Variants in KHDRBS3 observed in about 807,000 individuals in gnomAD.
KHDRBS3 encodes KH RNA binding domain containing, signal transduction associated 3.
In KHDRBS3, 23 loss-of-function variants were observed where a neutral mutation model predicts 45.6. The observed-to-expected ratio is 0.50, with a 90% confidence interval of 0.36 to 0.72. The LOEUF is 0.72. KHDRBS3 is among the 30% of genes least tolerant of loss of function. The pLI, the probability that KHDRBS3 is intolerant of heterozygous loss-of-function variation, is 0.00. For missense variants in KHDRBS3, 352 were observed against 424.8 expected, an observed-to-expected ratio of 0.83 and a Z score of 1.51; for synonymous variants, 162 against 156.5, an observed-to-expected ratio of 1.04 and a Z score of -0.26.
intron 1 of KHDRBS3, among the ~76,000 whole-genome samples, chr8:135,463,436 A>G (rs1408465630): frequency 6.6e-6 from 1 of 152,174 alleles, no homozygotes; most frequent in Non-Finnish European, 1.5e-5. Context: ...GAACAAGCAG[A>G]AAAGCATCCC....
chr8:135,521,734 C>T (rs529744598), intron 2 of KHDRBS3, among the ~76,000 whole-genome samples: 9 of 152,228 alleles, frequency 5.9e-5, no homozygotes, highest in African/African-American at 1.9e-4. Context: ...TATTTAAATG[C>T]TATTTTTCTT....
chr8:135,493,466 T>G (rs1418767702), intron 1 of KHDRBS3, among the ~76,000 whole-genome samples: 1 of 152,164 alleles, frequency 6.6e-6, no homozygotes, highest in Non-Finnish European at 1.5e-5. Flanking sequence ...TGAAGAAGTT[T>G]CTTTTTATTC....
intron 2 of KHDRBS3, among the ~76,000 whole-genome samples, chr8:135,534,576 G>T (rs1586676820): frequency 6.6e-6 from 1 of 152,120 alleles, no homozygotes; most frequent in East Asian, 1.9e-4. Context: ...CAGGTAGCTA[G>T]CCAGGCCTTA....
At chr8:135,515,599 A>G (rs983133190) in intron 1 of KHDRBS3, among the ~76,000 whole-genome samples, 1 of 152,022 alleles carries the variant, frequency 6.6e-6, no homozygotes, top group Non-Finnish European at 1.5e-5. Flanking sequence ...AGAGCTATCC[A>G]CTAGTGGTCA....
chr8:135,618,725 AT>A (rs1223348360), intron 7 of KHDRBS3, among the ~76,000 whole-genome samples: 2 of 152,230 alleles, frequency 1.3e-5, no homozygotes, highest in Non-Finnish European at 1.5e-5. Context: ...TGAAAATATT[AT>A]ATGATTAGGA....
downstream of KHDRBS3, among the ~76,000 whole-genome samples, chr8:135,651,834 G>T (rs889300123): frequency 1.3e-5 from 2 of 152,098 alleles, no homozygotes; most frequent in African/African-American, 4.8e-5. Flanking sequence ...TTCCTAACAG[G>T]CAGTGTTAGG....
intron 1 of KHDRBS3, among the ~76,000 whole-genome samples, chr8:135,485,831 G>A (rs1409423269): frequency 9.5e-6 from 1 of 105,388 alleles, no homozygotes; most frequent in African/African-American, 5.1e-5. Flanking sequence ...GGATTGATTG[G>A]CATTTCAAGT....
intron 7 of KHDRBS3, among the ~76,000 whole-genome samples, chr8:135,614,549 G>C (rs1343549443): frequency 6.6e-6 from 1 of 151,448 alleles, no homozygotes; most frequent in Non-Finnish European, 1.5e-5. Context: ...GAACATAAAG[G>C]GTCTCAAAAA....
rs117911493 is a variant in KHDRBS3 at position 135,596,433 on chromosome 8, C to G, written c.808-10522C>G. 9.7e-4 allele frequency among the ~76,000 whole-genome samples: 147 copies of G among 152,288 alleles called. 2 individuals are homozygous for G. The East Asian group carries it at 0.025, about 26-fold the overall frequency. On this transcript the variant is annotated intron_variant, in intron 6 of 8. Transcript: ENST00000355849. ...AATGGATCCCAGAGAAGCTATACTT[C>G]CAGAGAATGCACTGATGGTCAGCTT... is the stretch of plus-strand genomic sequence containing the variant.
intron 7 of KHDRBS3, among the ~76,000 whole-genome samples, chr8:135,639,475 G>T (rs1456113935): frequency 6.6e-6 from 1 of 152,186 alleles, no homozygotes; most frequent in African/African-American, 2.4e-5. Context: ...TGAAAGCTGG[G>T]TGTTTGTTCA....
intron 2 of KHDRBS3, among the ~76,000 whole-genome samples, chr8:135,536,820 C>T (rs1231188013): frequency 5.3e-5 from 8 of 149,858 alleles, no homozygotes; most frequent in Admixed American, 1.3e-4. Flanking sequence ...ATTAGCCGGG[C>T]GCGGTGGCGG....
chr8:135,491,842 C>T (rs973241473), intron 1 of KHDRBS3, among the ~76,000 whole-genome samples: 1 of 151,920 alleles, frequency 6.6e-6, no homozygotes, highest in Non-Finnish European at 1.5e-5. Flanking sequence ...ACCTAAGCCT[C>T]TTAGCAGAAA....
intron 5 of KHDRBS3, among the ~76,000 whole-genome samples, chr8:135,574,498 G>C (rs989370252): frequency 2.6e-5 from 4 of 152,122 alleles, no homozygotes; most frequent in African/African-American, 9.7e-5. Context: ...GAAGAGAAGT[G>C]TGGGCTTCTT....
intron 6 of KHDRBS3, among the ~76,000 whole-genome samples, chr8:135,600,431 G>A (rs1829156630): frequency 6.6e-6 from 1 of 152,196 alleles, no homozygotes; most frequent in Non-Finnish European, 1.5e-5. Context: ...GGGGATGGGT[G>A]TGAGATAGAT....
intron 1 of KHDRBS3, among the ~76,000 whole-genome samples, chr8:135,508,933 T>C (rs1289285703): frequency 2.6e-5 from 4 of 152,194 alleles, no homozygotes; most frequent in African/African-American, 7.2e-5. Flanking sequence ...TAAATATTTA[T>C]TTCAGAACTT....
intron 8 of KHDRBS3, among the ~76,000 whole-genome samples, chr8:135,645,678 C>G (rs1831252562): frequency 6.6e-6 from 1 of 152,216 alleles, no homozygotes; most frequent in Non-Finnish European, 1.5e-5. Flanking sequence ...GGTAGAGATG[C>G]TGGGGACTTC....
chr8:135,460,048 A>G (rs561805788), intron 1 of KHDRBS3, among the ~76,000 whole-genome samples: 2 of 152,252 alleles, frequency 1.3e-5, no homozygotes, highest in African/African-American at 2.4e-5. Context: ...GCAGAGCTTT[A>G]TCATTTAAAA....
chr8:135,566,189 G>C (rs1022084567), intron 5 of KHDRBS3, among the ~76,000 whole-genome samples: 4 of 152,118 alleles, frequency 2.6e-5, no homozygotes, highest in Non-Finnish European at 5.9e-5. Context: ...TGGAGTCAGG[G>C]TTAATACCTA....
intron 1 of KHDRBS3, among the ~76,000 whole-genome samples, chr8:135,479,060 G>A (rs745479795): frequency 1.3e-5 from 2 of 152,082 alleles, no homozygotes; most frequent in African/African-American, 2.4e-5. Flanking sequence ...TTAGCTACAT[G>A]GACTAAAAAG....
Sources: allele counts gnomAD v4.1 joint callset (sites outside exome capture counted in the v4.1 genomes callset), GRCh38; gene constraint gnomAD v4.1.1; transcripts MANE v1.5; gene names NCBI Gene and HGNC (gene_info 2026-07-23, HGNC 2026-07-21).